Variants in PPP2R2B observed in about 807,000 individuals in gnomAD.
The protein encoded by PPP2R2B is protein phosphatase 2 regulatory subunit Bbeta, also known as serine/threonine-protein phosphatase 2A 55 kDa regulatory subunit B beta isoform.
In PPP2R2B, 5 loss-of-function variants were observed where a neutral mutation model predicts 46.0. The observed-to-expected ratio is 0.11, with a 90% CI of 0.06 to 0.23. The LOEUF (loss-of-function observed/expected upper bound fraction) is 0.23. Among genes scored for constraint, PPP2R2B ranks in the 10% least tolerant of loss-of-function variants. The pLI is 1.00. For missense variants in PPP2R2B, 367 were observed against 575.0 expected, an observed-to-expected ratio of 0.64 and a Z score of 3.70; for synonymous variants, 215 against 206.7, an observed-to-expected ratio of 1.04 and a Z score of -0.34.
intron 1 of PPP2R2B, among the ~76,000 whole-genome samples, chr5:146,909,161 A>G (rs1260217371): frequency 6.6e-6 from 1 of 152,182 alleles, no homozygotes; most frequent in Non-Finnish European, 1.5e-5. Flanking sequence ...AGCTATTACC[A>G]CAACATAAAT....
intron 1 of PPP2R2B, among the ~76,000 whole-genome samples, chr5:146,901,054 C>T (rs989879064): frequency 2.2e-4 from 33 of 152,196 alleles, no homozygotes; most frequent in African/African-American, 7.5e-4. Flanking sequence ...TGGGTTCATT[C>T]CATGTCTTTG....
intron 1 of PPP2R2B, among the ~76,000 whole-genome samples, chr5:146,967,159 C>T (rs1339252062): frequency 6.6e-6 from 1 of 152,150 alleles, no homozygotes; most frequent in Non-Finnish European, 1.5e-5. Flanking sequence ...ATACTGCCCT[C>T]TATTAGATAC....
At chr5:146,950,392 C>T (rs1291109802) in intron 1 of PPP2R2B, among the ~76,000 whole-genome samples, 2 of 151,972 alleles carry the variant, frequency 1.3e-5, no homozygotes, top group Admixed American at 6.6e-5. Flanking sequence ...AAAGACAGAG[C>T]ACAGAGCCTG....
chr5:146,600,327 A>G lies in PPP2R2B; in HGVS notation c.924T>C (p.Asp308=), dbSNP rs756171345. 1 of 1,613,794 alleles carries G rather than the reference A, an allele frequency of 6.2e-7. No individual in the cohort carries two copies. Among genetic ancestry groups the G allele is most frequent in the Non-Finnish European group, 8.5e-7 (1 of 1,179,876 alleles). The change falls in exon 8 of 10, where the codon GAT becomes GAC. Residue 308 remains aspartate, a synonymous_variant. Coordinates refer to ENST00000394411, the MANE Select transcript of PPP2R2B (RefSeq NM_181675.4). ...TRDYLTVKVW[D]LNMENRPIET... is the part of the protein sequence containing the mutation. ...CGATGGGGCGGTTTTCCATGTTGAG[A>G]TCCCAGACTTTGACGGTCAAGTAGT...
chr5:147,015,547 C>T (rs569143882), intron 1 of PPP2R2B, among the ~76,000 whole-genome samples: 1 of 151,662 alleles, frequency 6.6e-6, no homozygotes, highest in South Asian at 2.1e-4. Context: ...CTGATTCCTC[C>T]AGCAGGAAAC....
At chr5:146,859,471 T>C (rs1052030542) in intron 2 of PPP2R2B, among the ~76,000 whole-genome samples, 11 of 152,208 alleles carry the variant, frequency 7.2e-5, no homozygotes, top group Non-Finnish European at 8.8e-5. Flanking sequence ...CTGAATTGTT[T>C]GATCAGTTGT....
intron 5 of PPP2R2B, among the ~76,000 whole-genome samples, chr5:146,663,723 A>G (rs1044902798): frequency 1.3e-5 from 2 of 152,344 alleles, no homozygotes; most frequent in African/African-American, 4.8e-5. Flanking sequence ...CCTTCTGTGA[A>G]TCATAATCTT....
At chr5:146,590,882 T>C (rs1412205373) in intron 9 of PPP2R2B, among the ~76,000 whole-genome samples, 1 of 152,168 alleles carries the variant, frequency 6.6e-6, no homozygotes, top group Non-Finnish European at 1.5e-5. Context: ...TTTAAAAGAA[T>C]CTGGGATGGA....
chr5:146,680,985 A>G (rs1280332864), intron 5 of PPP2R2B, among the ~76,000 whole-genome samples: 1 of 152,248 alleles, frequency 6.6e-6, no homozygotes, highest in African/African-American at 2.4e-5. Flanking sequence ...ACAAGATAGT[A>G]TCTTGCTATG....
chr5:146,711,654 C>T (rs1215510205), intron 2 of PPP2R2B, among the ~76,000 whole-genome samples: 1 of 152,092 alleles, frequency 6.6e-6, no homozygotes, highest in Non-Finnish European at 1.5e-5. Flanking sequence ...AGTGGATGAG[C>T]AAATACATCT....
At chr5:146,644,397 C>T (rs1393710561) in intron 6 of PPP2R2B, among the ~76,000 whole-genome samples, 7 of 152,008 alleles carry the variant, frequency 4.6e-5, no homozygotes, top group Admixed American at 4.6e-4. Context: ...GATGCGAATC[C>T]AATGTATAGA....
chr5:146,697,941 C>T (rs771569548), intron 4 of PPP2R2B, 38 bp downstream of exon 4: 1 of 1,577,912 alleles, frequency 6.3e-7, no homozygotes, highest in South Asian at 1.2e-5. Context: ...GTTTGGCCGA[C>T]TGTATCTCTG....
At chr5:146,693,401 G>A (rs745436238) in intron 4 of PPP2R2B, among the ~76,000 whole-genome samples, 1 of 151,952 alleles carries the variant, frequency 6.6e-6, no homozygotes, top group Non-Finnish European at 1.5e-5. Context: ...TTTTTATAGA[G>A]ACATGATTTT....
At chr5:146,810,703 GTCT>G (rs1477817926) in intron 2 of PPP2R2B, among the ~76,000 whole-genome samples, 1 of 151,536 alleles carries the variant, frequency 6.6e-6, no homozygotes, top group Non-Finnish European at 1.5e-5. Flanking sequence ...TATGGCTCCT[GTCT>G]TTTTTTTTCT....
upstream of PPP2R2B, among the ~76,000 whole-genome samples, chr5:147,056,527 C>T (rs1239660607): frequency 1.3e-5 from 2 of 152,090 alleles, no homozygotes; most frequent in Non-Finnish European, 2.9e-5. Flanking sequence ...TAGAAAGCCA[C>T]AACGCAAGAA....
chr5:146,904,365 C>T (rs565553480), intron 1 of PPP2R2B, among the ~76,000 whole-genome samples: 21 of 152,200 alleles, frequency 1.4e-4, no homozygotes, highest in African/African-American at 5.1e-4. Context: ...CAAAGTTTGA[C>T]CAAGTGGCAG....
chr5:146,857,577 G>A (rs1760748456), intron 2 of PPP2R2B, among the ~76,000 whole-genome samples: 1 of 152,112 alleles, frequency 6.6e-6, no homozygotes, highest in African/African-American at 2.4e-5. Flanking sequence ...AGCCAGTACT[G>A]ATACTGGATC....
Position 146,943,277 on chromosome 5 carries a change from A to C in PPP2R2B, c.79+112388T>G, listed in dbSNP as rs1257329427. Among the ~76,000 whole-genome samples the C allele has an allele frequency of 3.3e-5, 5 of 152,184 alleles. No homozygotes were observed. The East Asian group carries it at 9.6e-4, about 29-fold the overall frequency. On this transcript the variant is annotated intron_variant, in intron 1 of 8. Transcript: ENST00000336640. ...GTTTGGGAATGTGAATGGGAAATTT[A>C]GTGTGTTTCCTGTTTGCCTTTCCAA... is the stretch of plus-strand genomic sequence containing the variant.
Position 146,878,667 on chromosome 5 carries a change from G to T in PPP2R2B, c.-201C>A. The T allele has an allele frequency of 7.8e-7, 1 of 1,286,200 alleles. No homozygotes were observed. The highest frequency in any genetic ancestry group is 1.0e-6 in the Non-Finnish European group (1 of 987,374). The allele number at this position is 1,286,200 out of a possible 1,614,324, so 79.7% of individuals were successfully genotyped here. ...GGGTAGGGAAGCTGGCGGGGAGCTG[G>T]GCAGGGCGCTGCAGCCGGCGCCAGC... On this transcript the variant is annotated 5_prime_UTR_variant, in exon 1 of 10. Transcript: ENST00000394411. This position sits in a 1 kb window ranked among gnomAD's most constrained non-coding sequence, Gnocchi z 4.5.
Sources: allele counts gnomAD v4.1 joint callset (sites outside exome capture counted in the v4.1 genomes callset), GRCh38; gene constraint gnomAD v4.1.1; non-coding constraint Gnocchi (gnomAD v3.1); transcripts MANE v1.5; gene names NCBI Gene and HGNC (gene_info 2026-07-23, HGNC 2026-07-21).